Variants in CCSER1 observed in about 807,000 individuals in gnomAD.
CCSER1 encodes the protein coiled-coil serine rich protein 1, also known as serine-rich coiled-coil domain-containing protein 1.
A neutral mutation model predicts 82.0 loss-of-function variants in CCSER1; 41 were observed. The ratio of observed to expected loss-of-function variants is 0.50; its 90% CI spans 0.39 to 0.65. The LOEUF is 0.65. Ranked by LOEUF, CCSER1 falls within the 30% of genes least tolerant of loss-of-function variation. The pLI is 0.00. For missense variants in CCSER1, 1,119 were observed against 1,064.2 expected (o/e 1.05, Z -0.72); for synonymous variants, 414 against 383.9 (o/e 1.08, Z -0.92).
At chr4:91,426,044 C>A (rs1388781603) in intron 10 of CCSER1, among the ~76,000 whole-genome samples, 1 of 152,120 alleles carries the variant, frequency 6.6e-6, no homozygotes, top group Non-Finnish European at 1.5e-5. Context: ...CCCTAGCCCC[C>A]CACATCCCAA....
intron 10 of CCSER1, among the ~76,000 whole-genome samples, chr4:91,285,247 GTTT>G (rs35662705): frequency 1.5e-3 from 198 of 133,532 alleles, no homozygotes; most frequent in African/African-American, 5.0e-3. Context: ...ACTTCAATGG[GTTT>G]TTTTTTTTTT....
chr4:91,113,614 C>T (rs1233253569), intron 10 of CCSER1, among the ~76,000 whole-genome samples: 2 of 152,158 alleles, frequency 1.3e-5, no homozygotes, highest in East Asian at 3.9e-4. Context: ...TGCTACCTTT[C>T]CCAATGGATT....
intron 8 of CCSER1, among the ~76,000 whole-genome samples, chr4:90,893,465 G>GA (rs1723234875): frequency 6.6e-6 from 1 of 152,044 alleles, no homozygotes; most frequent in Non-Finnish European, 1.5e-5. Context: ...TTGAGGAAAA[G>GA]AAGATAGGCA....
At chr4:90,999,472 T>A (rs2150471356) in intron 9 of CCSER1, among the ~76,000 whole-genome samples, 1 of 152,344 alleles carries the variant, frequency 6.6e-6, no homozygotes, top group East Asian at 1.9e-4. Flanking sequence ...TTGCATTCTC[T>A]AATGATTAGT....
chr4:91,144,661 T>A (rs549829661), intron 10 of CCSER1, among the ~76,000 whole-genome samples: 1 of 151,956 alleles, frequency 6.6e-6, no homozygotes, highest in Admixed American at 6.6e-5. Context: ...ATATTGTGTC[T>A]TTGTTTTTTT....
intron 10 of CCSER1, among the ~76,000 whole-genome samples, chr4:91,119,457 A>T (rs1047659299): frequency 7.9e-5 from 12 of 152,038 alleles, no homozygotes; most frequent in African/African-American, 2.9e-4. Context: ...AACTTCACTC[A>T]TATTTTTAGA....
At chr4:90,877,630 A>G (rs1767374265) in intron 8 of CCSER1, among the ~76,000 whole-genome samples, 1 of 149,748 alleles carries the variant, frequency 6.7e-6, no homozygotes, top group African/African-American at 2.5e-5. Context: ...AAACAAATCT[A>G]TTTTCCCCCA....
chr4:90,746,797 A>G (rs1424808594), intron 7 of CCSER1, among the ~76,000 whole-genome samples: 1 of 152,230 alleles, frequency 6.6e-6, no homozygotes, highest in Non-Finnish European at 1.5e-5. Context: ...TAGATTATTC[A>G]TTCTTAATAC....
At chr4:90,155,194 G>T (rs867843420) in intron 1 of CCSER1, among the ~76,000 whole-genome samples, 7 of 152,080 alleles carry the variant, frequency 4.6e-5, no homozygotes, top group Non-Finnish European at 8.8e-5. Context: ...ATTGATTTGC[G>T]TATATTGAAC....
At chr4:90,770,477 T>C (rs1751907198) in intron 7 of CCSER1, among the ~76,000 whole-genome samples, 1 of 152,200 alleles carries the variant, frequency 6.6e-6, no homozygotes, top group Non-Finnish European at 1.5e-5. Flanking sequence ...AATAATAACA[T>C]ATAGAAAATA....
intron 9 of CCSER1, among the ~76,000 whole-genome samples, chr4:91,024,966 G>A (rs1216440305): frequency 1.3e-5 from 2 of 152,062 alleles, no homozygotes; most frequent in Admixed American, 6.6e-5. Context: ...AAAAGCTCAT[G>A]TTAAAAGAGC....
At chr4:91,220,299 A>G (rs1054798447) in intron 10 of CCSER1, among the ~76,000 whole-genome samples, 3 of 152,210 alleles carry the variant, frequency 2.0e-5, no homozygotes, top group African/African-American at 7.2e-5. Flanking sequence ...CTGGAAATGT[A>G]TGCTCGTTTC....
chr4:91,339,861 G>A (rs1747591849), intron 10 of CCSER1, among the ~76,000 whole-genome samples: 1 of 152,042 alleles, frequency 6.6e-6, no homozygotes, highest in Non-Finnish European at 1.5e-5. Flanking sequence ...GCTTATGCCT[G>A]TAATCCCAGC....
At chr4:90,276,238 C>CT (rs768824138) in intron 1 of CCSER1, among the ~76,000 whole-genome samples, 1 of 111,104 alleles carries the variant, frequency 9.0e-6, no homozygotes, top group Admixed American at 9.8e-5. Flanking sequence ...TTCTTTCTTT[C>CT]TTTCTTTCTT....
At chr4:91,562,034 T>C (rs1013564938) in intron 10 of CCSER1, among the ~76,000 whole-genome samples, 1 of 151,456 alleles carries the variant, frequency 6.6e-6, no homozygotes, top group African/African-American at 2.4e-5. Context: ...GGATCTCATA[T>C]ACATAAGGGA....
intron 5 of CCSER1, among the ~76,000 whole-genome samples, chr4:90,572,945 A>C (rs568859834): frequency 6.6e-6 from 1 of 152,332 alleles, no homozygotes; most frequent in Admixed American, 6.5e-5. Flanking sequence ...AGTAAGACCT[A>C]TTCCAGTCCT....
Position 90,254,752 on chromosome 4 carries a change from C to T in CCSER1, c.-41-53492C>T, listed in dbSNP as rs144085482. 1.8e-4 allele frequency among the ~76,000 whole-genome samples: 28 copies of T among 152,178 alleles called. No homozygotes were observed. The South Asian group carries it at 2.7e-3, about 15-fold the overall frequency. On this transcript the variant is annotated intron_variant, in intron 1 of 10. Coordinates refer to ENST00000509176, the MANE Select transcript of CCSER1 (RefSeq NM_001145065.2). Reference sequence around the variant, plus strand: ...AGGGAATGGGCCATGGCTCACATGCCATAGACTGTCACTTATTGAGATTTA... The same window carrying T: ...AGGGAATGGGCCATGGCTCACATGCTATAGACTGTCACTTATTGAGATTTA...
chr4:90,853,107 A>G (rs1317164970), intron 8 of CCSER1, among the ~76,000 whole-genome samples: 1 of 152,130 alleles, frequency 6.6e-6, no homozygotes, highest in Non-Finnish European at 1.5e-5. Context: ...CACAAAAAAA[A>G]ACAAAAACAA....
chr4:91,157,243 T>C (rs1730905841), intron 10 of CCSER1, among the ~76,000 whole-genome samples: 1 of 151,980 alleles, frequency 6.6e-6, no homozygotes, highest in Admixed American at 6.6e-5. Flanking sequence ...ATCAGACTTA[T>C]TTACCAGAAC....
Sources: gnomAD v4.1 joint callset for allele counts (sites outside exome capture counted in the v4.1 genomes callset) on GRCh38, gnomAD v4.1.1 for gene constraint, MANE v1.5 for transcripts, NCBI Gene and HGNC (gene_info 2026-07-23, HGNC 2026-07-21) for gene names.